The following TGFBR2 variants were observed in gnomAD, a reference collection of about 807,000 sequenced individuals.
TGFBR2 encodes transforming growth factor beta receptor 2.
TGFBR2 carries 18 observed loss-of-function variants against 49.0 expected under a neutral mutation model. The observed-to-expected ratio is 0.37, with a 90% CI of 0.25 to 0.54. The LOEUF (loss-of-function observed/expected upper bound fraction) is 0.54. Among genes scored for constraint, TGFBR2 ranks in the 20% least tolerant of loss-of-function variants. TGFBR2 has a pLI of 0.85. For synonymous variants in TGFBR2, 282 were observed against 275.9 expected (o/e 1.02, Z -0.22); for missense variants, 525 against 722.6 (o/e 0.73, Z 3.13).
At chr3:30,666,665 C>A (rs1270866195) in intron 3 of TGFBR2, among the ~76,000 whole-genome samples, 1 of 126,266 alleles carries the variant, frequency 7.9e-6, no homozygotes, top group African/African-American at 2.9e-5. Flanking sequence ...AACACAGGGT[C>A]TTGCTCTGTT....
rs560319799 is a variant in TGFBR2, at chr3:30,676,723, G to A, written c.1396+2477G>A. Among the ~76,000 whole-genome samples the A allele has an allele frequency of 6.6e-5, 10 of 152,286 alleles. No homozygotes were observed. The highest frequency in any genetic ancestry group is 3.9e-4 in the East Asian group (2 of 5,184). On this transcript the variant is annotated intron_variant, in intron 5 of 6. Transcript: ENST00000295754. This position sits in a 1 kb window ranked among gnomAD's most constrained non-coding sequence, Gnocchi z 4.3. ...ATAGCCAATTCTCCAGCGTGGGTCC[G>A]GGTCACCCCCTCCCATCCTGCACCC...
In TGFBR2 at chr3:30,693,235, C is replaced by T. The variant is rs536790333; in HGVS notation, c.*1636C>T. On this transcript the variant is annotated 3_prime_UTR_variant, in exon 7 of 7. Coordinates refer to ENST00000295754, the MANE Select transcript of TGFBR2 (RefSeq NM_003242.6). ...TCCAAGAAGCTTTCCTCATGGTTAC[C>T]GTTCTCTCCATCATGCCAGCCTTCT... 8 of 233,614 alleles carry T rather than the reference C, an allele frequency of 3.4e-5. No individual in the cohort carries two copies. The highest frequency in any genetic ancestry group is 1.8e-4 in the South Asian group (1 of 5,528). 14.5% of individuals were successfully genotyped at this position (233,614 alleles called of 1,614,324 possible). A position where few individuals can be genotyped will look rare whatever the true frequency, so the allele number is the denominator to read the frequency against.
intron 1 of TGFBR2, among the ~76,000 whole-genome samples, chr3:30,613,104 A>C (rs147977241): frequency 6.8e-6 from 1 of 145,998 alleles, no homozygotes; most frequent in African/African-American, 2.5e-5. Flanking sequence ...GGGAGATTCT[A>C]TCTGGGAAAG....
At chr3:30,678,384 A>G (rs1699477210) in intron 5 of TGFBR2, among the ~76,000 whole-genome samples, 1 of 151,980 alleles carries the variant, frequency 6.6e-6, no homozygotes, top group South Asian at 2.1e-4. Flanking sequence ...CGTCTCTACT[A>G]AAAATACAAA....
chr3:30,625,367 A>G (rs1698315359), intron 1 of TGFBR2, among the ~76,000 whole-genome samples: 1 of 152,238 alleles, frequency 6.6e-6, no homozygotes, highest in Admixed American at 6.5e-5. Flanking sequence ...GATCTAAGGA[A>G]CTATTTCCCT....
At position 30,674,199 on chromosome 3, in the gene TGFBR2, T is replaced by C. The variant is rs1699393793; in HGVS notation, c.1349T>C (p.Met450Thr). The C allele has an allele frequency of 1.9e-6, 3 of 1,614,190 alleles. No homozygotes were observed. In the South Asian group the frequency reaches 3.3e-5, roughly 18 times the overall value. ...TTCAAGCAGACCGATGTCTACTCCATGGCTCTGGTGCTCTGGGAAATGACA... is the reference window on the plus strand; with the variant it reads ...TTCAAGCAGACCGATGTCTACTCCACGGCTCTGGTGCTCTGGGAAATGACA... Reference protein sequence around the residue: ...ESFKQTDVYSMALVLWEMTSR... With the variant: ...ESFKQTDVYSTALVLWEMTSR... The change falls in exon 5 of 7, where the codon ATG (methionine) becomes ACG (threonine). Residue 450 changes from methionine (M) to threonine (T), a missense_variant. Met to Thr is a moderately conservative substitution (Grantham distance 81). Around this residue, in one of 3 missense-constraint regions of TGFBR2, gnomAD observed 45 missense variants for 111.0 expected, o/e 0.41. Coordinates refer to ENST00000295754, the MANE Select transcript of TGFBR2 (RefSeq NM_003242.6).
At chr3:30,689,211 G>A (rs1276862025) in intron 6 of TGFBR2, among the ~76,000 whole-genome samples, 2 of 152,142 alleles carry the variant, frequency 1.3e-5, no homozygotes, top group Admixed American at 6.5e-5. Flanking sequence ...CTCATAAAGA[G>A]GCTGATCCAA....
chr3:30,674,166 T>C lies in TGFBR2; in HGVS notation c.1316T>C (p.Val439Ala), dbSNP rs1050833. Residue 439 changes from valine to alanine, a missense_variant, in exon 5 of 7, where the codon GTT (valine) becomes GCT (alanine). Around this residue, in one of 3 missense-constraint regions of TGFBR2, gnomAD observed 45 missense variants for 111.0 expected, o/e 0.41. Coordinates refer to ENST00000295754, the MANE Select transcript of TGFBR2 (RefSeq NM_003242.6). ...GAATCCAGGATGAATTTGGAGAATGTTGAGTCCTTCAAGCAGACCGATGTC... is the reference window on the plus strand; with the variant it reads ...GAATCCAGGATGAATTTGGAGAATGCTGAGTCCTTCAAGCAGACCGATGTC... ...VLESRMNLEN[V>A]ESFKQTDVYS... The C allele has an allele frequency of 7.4e-6, 12 of 1,614,006 alleles. No individual in the cohort carries two copies. In the African/African-American group the frequency reaches 1.6e-4, roughly 22 times the overall value.
At chr3:30,690,847 C>T (rs1386228242) in intron 6 of TGFBR2, among the ~76,000 whole-genome samples, 1 of 152,150 alleles carries the variant, frequency 6.6e-6, no homozygotes, top group African/African-American at 2.4e-5. Flanking sequence ...CTGGAATATA[C>T]AACACCAAGA....
rs764720370 is a variant in TGFBR2, at chr3:30,672,197, G to A, written c.1014G>A (p.Thr338=). 1.4e-5 allele frequency: 23 copies of A among 1,612,168 alleles called. No individual in the cohort carries two copies. The highest frequency in any genetic ancestry group is 5.0e-5 in the Admixed American group (3 of 59,992). The change falls in exon 4 of 7, where the codon ACG becomes ACA. Residue 338 remains threonine, a synonymous_variant. Transcript: ENST00000295754. The surrounding 1 kb of genome is among the most constrained non-coding windows in gnomAD (Gnocchi z 4.5). ...HAKGNLQEYL[T]RHVISWEDLR... Reference sequence around the variant, plus strand: ...AGGGCAACCTACAGGAGTACCTGACGCGGCATGTCATCAGCTGGGAGGACC... The same window carrying A: ...AGGGCAACCTACAGGAGTACCTGACACGGCATGTCATCAGCTGGGAGGACC...
chr3:30,611,232 T>G (rs1375169362), intron 1 of TGFBR2, among the ~76,000 whole-genome samples: 1 of 152,204 alleles, frequency 6.6e-6, no homozygotes, highest in Non-Finnish European at 1.5e-5. Flanking sequence ...GAGCTGAGCC[T>G]CCACTTCATC....
intron 2 of TGFBR2, among the ~76,000 whole-genome samples, chr3:30,647,067 A>G (rs570107546): frequency 4.6e-5 from 7 of 152,274 alleles, no homozygotes; most frequent in African/African-American, 1.7e-4. Flanking sequence ...AGGGTACGCT[A>G]TAGTGCCCTC....
At chr3:30,659,836 G>T (rs1283630729) in intron 3 of TGFBR2, among the ~76,000 whole-genome samples, 1 of 151,834 alleles carries the variant, frequency 6.6e-6, no homozygotes, top group Non-Finnish European at 1.5e-5. Context: ...GGCAAGAAGG[G>T]TCCACTGAGA....
chr3:30,641,794 G>A (rs991335530), intron 1 of TGFBR2, among the ~76,000 whole-genome samples: 1 of 151,940 alleles, frequency 6.6e-6, no homozygotes, highest in African/African-American at 2.4e-5. Context: ...CAAGTAACAT[G>A]TATTATATCT....
chr3:30,639,889 A>G (rs1022991388), intron 1 of TGFBR2, among the ~76,000 whole-genome samples: 4 of 152,246 alleles, frequency 2.6e-5, no homozygotes, highest in African/African-American at 9.6e-5. Context: ...ATTTTACCTA[A>G]TGGTTCAGCT....
rs151215314 is a variant in TGFBR2 at position 30,669,947 on chromosome 3, T to G, written c.455-1691T>G. Among the ~76,000 whole-genome samples the G allele has an allele frequency of 3.6e-3, 552 of 152,308 alleles. 2 individuals are homozygous for G. Among genetic ancestry groups the G allele is most frequent in the Non-Finnish European group, 6.2e-3 (425 of 68,022 alleles). On this transcript the variant is annotated intron_variant, in intron 3 of 6. Coordinates refer to ENST00000295754, the MANE Select transcript of TGFBR2 (RefSeq NM_003242.6). ...TTCCCCTTGAGAGAATTTGGTTATA[T>G]CCTCATTCTACCTGGACTATATTCT...
At chr3:30,689,641 G>A (rs1300023912) in intron 6 of TGFBR2, among the ~76,000 whole-genome samples, 1 of 152,196 alleles carries the variant, frequency 6.6e-6, no homozygotes, top group African/African-American at 2.4e-5. Context: ...GCTGTGGTGG[G>A]TCACAGGCTT....
chr3:30,672,552 A>G lies in TGFBR2; in HGVS notation c.1254+115A>G. On this transcript the variant is annotated intron_variant, in intron 4 of 6. Coordinates refer to ENST00000295754, the MANE Select transcript of TGFBR2 (RefSeq NM_003242.6). The surrounding 1 kb of genome is among the most constrained non-coding windows in gnomAD (Gnocchi z 4.5). ...AGCCCTGTACTCTGGACACTGGTCTAGGGAATCTAGCCAAAGTATGGAGTC... is the reference window on the plus strand; with the variant it reads ...AGCCCTGTACTCTGGACACTGGTCTGGGGAATCTAGCCAAAGTATGGAGTC... 1 of 1,193,562 alleles carries G rather than the reference A, an allele frequency of 8.4e-7. No homozygotes were observed. 73.9% of individuals were successfully genotyped at this position (1,193,562 alleles called of 1,614,324 possible). A position where few individuals can be genotyped will look rare whatever the true frequency, so the allele number is the denominator to read the frequency against.
chr3:30,687,954 A>G (rs1699652536), intron 5 of TGFBR2, among the ~76,000 whole-genome samples: 1 of 152,188 alleles, frequency 6.6e-6, no homozygotes, highest in Non-Finnish European at 1.5e-5. Context: ...GAAATTTAAT[A>G]CCACATTTTA....
Sources: gnomAD v4.1 joint callset for allele counts (sites outside exome capture counted in the v4.1 genomes callset) on GRCh38, gnomAD v4.1.1 for gene constraint, gnomAD v4.1.1 regional missense constraint, Gnocchi (gnomAD v3.1) non-coding constraint, MANE v1.5 for transcripts, NCBI Gene and HGNC (gene_info 2026-07-23, HGNC 2026-07-21) for gene names.